The following PKNOX2 variants were observed in gnomAD, a reference collection of about 807,000 sequenced individuals.
PKNOX2 encodes the protein PBX/knotted 1 homeobox 2, also known as homeobox protein PKNOX2.
Under a neutral mutation model 53.1 loss-of-function variants are expected in PKNOX2, and 14 were observed. The ratio of observed to expected loss-of-function variants is 0.26; its 90% CI spans 0.17 to 0.41. PKNOX2 has a LOEUF of 0.41. Among genes scored for constraint, PKNOX2 ranks in the 10% least tolerant of loss-of-function variants. PKNOX2 has a pLI of 1.00. For missense variants in PKNOX2, 496 were observed against 602.8 expected (o/e 0.82, Z 1.85); for synonymous variants, 257 against 242.8 (o/e 1.06, Z -0.54).
intron 2 of PKNOX2, among the ~76,000 whole-genome samples, chr11:125,268,891 C>T (rs555111887): frequency 1.0e-4 from 15 of 149,716 alleles, no homozygotes; most frequent in African/African-American, 2.2e-4. Context: ...GTCATTCTGG[C>T]GCCAGCAGCC....
chr11:125,409,507 G>A (rs1206788539), intron 7 of PKNOX2, among the ~76,000 whole-genome samples: 2 of 152,150 alleles, frequency 1.3e-5, no homozygotes, highest in African/African-American at 4.8e-5. Flanking sequence ...TAGAAGACAG[G>A]TTATGGGAAG....
chr11:125,280,092 AT>A (rs1449132033), intron 2 of PKNOX2, among the ~76,000 whole-genome samples: 6 of 144,540 alleles, frequency 4.2e-5, no homozygotes, highest in Admixed American at 1.4e-4. Context: ...CTGATAAAGG[AT>A]TTTTTTTCCT....
At chr11:125,391,138 A>G (rs1405181060) in intron 6 of PKNOX2, among the ~76,000 whole-genome samples, 5 of 152,222 alleles carry the variant, frequency 3.3e-5, no homozygotes, top group Admixed American at 6.5e-5. Flanking sequence ...GGAGAGGGTG[A>G]AAGGAATGTG....
chr11:125,169,362 C>G (rs1220685603), intron 1 of PKNOX2, among the ~76,000 whole-genome samples: 3 of 152,126 alleles, frequency 2.0e-5, no homozygotes, highest in African/African-American at 4.8e-5. Context: ...AGGAGCTCCA[C>G]GGGCTGGGTT....
In PKNOX2 at chr11:125,192,815, G is replaced by A. The variant is rs548592061; in HGVS notation, c.-201+28039G>A. On this transcript the variant is annotated intron_variant, in intron 1 of 12. Coordinates refer to ENST00000298282, the MANE Select transcript of PKNOX2 (RefSeq NM_001382323.2). Reference sequence around the variant, plus strand: ...GGTGGCACACAGGAAATCACGGCCAGCCAGGTCGAGGGGGCTTGGTTTTGC... The same window carrying A: ...GGTGGCACACAGGAAATCACGGCCAACCAGGTCGAGGGGGCTTGGTTTTGC... Among the ~76,000 whole-genome samples the A allele has an allele frequency of 3.2e-3, 480 of 152,272 alleles. 2 individuals carry two copies. The highest frequency in any genetic ancestry group is 6.1e-3 in the Non-Finnish European group (412 of 68,040).
intron 3 of PKNOX2, among the ~76,000 whole-genome samples, chr11:125,333,352 C>G (rs1950244078): frequency 6.6e-6 from 1 of 152,162 alleles, no homozygotes; most frequent in South Asian, 2.1e-4. Context: ...CCAAACAAGC[C>G]AGTCTGAGCC....
At position 125,416,163 on chromosome 11, in the gene PKNOX2, C is replaced by T. The variant is rs529760859; in HGVS notation, c.936+4298C>T. 4.9e-4 allele frequency among the ~76,000 whole-genome samples: 74 copies of T among 151,312 alleles called. 1 individual carries two copies. Among genetic ancestry groups the T allele is most frequent in the Middle Eastern group, 6.8e-3 (2 of 292 alleles). On this transcript the variant is annotated intron_variant, in intron 10 of 12. Coordinates refer to ENST00000298282, the MANE Select transcript of PKNOX2 (RefSeq NM_001382323.2). ...CTAAAAATACAAAAAATTAGCCGGG[C>T]GTGGTGGCGGGCGCCTGTAGTCCCA...
intron 5 of PKNOX2, among the ~76,000 whole-genome samples, chr11:125,380,748 A>G (rs1216210767): frequency 3.3e-5 from 5 of 152,202 alleles, no homozygotes; most frequent in Admixed American, 2.6e-4. Flanking sequence ...TCCCTGGCTC[A>G]CACAGGGCCA....
rs190171882 is a variant in PKNOX2 at position 125,405,919 on chromosome 11, C to T, written c.589-4277C>T. ...CGGCTGTCTTCCTAGTGGAACAAAACGAACAGAATTCTTGGGCTGGATAAC... is the reference window on the plus strand; with the variant it reads ...CGGCTGTCTTCCTAGTGGAACAAAATGAACAGAATTCTTGGGCTGGATAAC... On this transcript the variant is annotated intron_variant, in intron 7 of 12. Coordinates refer to ENST00000298282, the MANE Select transcript of PKNOX2 (RefSeq NM_001382323.2). Among the ~76,000 whole-genome samples, 170 of 152,286 alleles carry T rather than the reference C, an allele frequency of 1.1e-3. 2 individuals are homozygous for T. Among genetic ancestry groups the T allele is most frequent in the African/African-American group, 3.2e-3 (131 of 41,556 alleles).
At chr11:125,171,446 C>T (rs34415533) in intron 1 of PKNOX2, among the ~76,000 whole-genome samples, 34,378 of 152,102 alleles carry the variant, frequency 0.23, 4,385 homozygotes, top group Non-Finnish European at 0.29. Flanking sequence ...AGAGCCTAGC[C>T]CTGCTCTTTA....
intron 2 of PKNOX2, among the ~76,000 whole-genome samples, chr11:125,315,583 C>T (rs75764783): frequency 0.022 from 3,357 of 152,284 alleles, 77 homozygotes; most frequent in Middle Eastern, 0.054. Flanking sequence ...CCCCAGGGTG[C>T]AGCTGGCAGA....
rs192710029 is a variant in PKNOX2, at chr11:125,352,375, G to A, written c.87+983G>A. 6.6e-4 allele frequency among the ~76,000 whole-genome samples: 100 copies of A among 152,220 alleles called. No homozygotes were observed. The highest frequency in any genetic ancestry group is 2.4e-3 in the African/African-American group (99 of 41,530). On this transcript the variant is annotated intron_variant, in intron 4 of 12. Transcript: ENST00000298282. The surrounding 1 kb of genome is among the most constrained non-coding windows in gnomAD (Gnocchi z 4.1). ...GCCCATGTGCAGCAGGTGCCCGCTG[G>A]GTGCTGTGGGCAGGCTACCATCTGC... is the stretch of plus-strand genomic sequence containing the variant.
chr11:125,260,114 G>A (rs1002955247), intron 2 of PKNOX2, among the ~76,000 whole-genome samples: 6 of 152,048 alleles, frequency 3.9e-5, no homozygotes, highest in African/African-American at 1.4e-4. Flanking sequence ...CTGGCCTCAA[G>A]TGATCCTCCC....
intron 1 of PKNOX2, among the ~76,000 whole-genome samples, chr11:125,227,675 A>T (rs370758734): frequency 3.5e-4 from 54 of 152,342 alleles, no homozygotes; most frequent in African/African-American, 1.3e-3. Flanking sequence ...TGCTGTGAAT[A>T]AAGCTGCTAT....
At chr11:125,381,931 T>A (rs2135350436) in intron 5 of PKNOX2, among the ~76,000 whole-genome samples, 1 of 152,228 alleles carries the variant, frequency 6.6e-6, no homozygotes, top group African/African-American at 2.4e-5. Flanking sequence ...CTGACCACTC[T>A]AAGAAAAGCT....
chr11:125,252,114 G>T (rs1241252481), intron 2 of PKNOX2, among the ~76,000 whole-genome samples: 1 of 152,216 alleles, frequency 6.6e-6, no homozygotes, highest in Non-Finnish European at 1.5e-5. Context: ...GGTGAAGAGG[G>T]CACTTTGTGA....
chr11:125,283,217 G>T (rs1350104261), intron 2 of PKNOX2, among the ~76,000 whole-genome samples: 1 of 152,036 alleles, frequency 6.6e-6, no homozygotes, highest in African/African-American at 2.4e-5. Flanking sequence ...GCCACATGCA[G>T]CTAATGCCTA....
intron 2 of PKNOX2, among the ~76,000 whole-genome samples, chr11:125,302,205 A>G (rs1302262850): frequency 6.6e-6 from 1 of 152,224 alleles, no homozygotes; most frequent in African/African-American, 2.4e-5. Context: ...GAGCTGCAGC[A>G]TCGCAGGCAA....
intron 2 of PKNOX2, among the ~76,000 whole-genome samples, chr11:125,247,198 C>T (rs1274148939): frequency 4.6e-5 from 7 of 152,126 alleles, no homozygotes; most frequent in Middle Eastern, 3.2e-3. Flanking sequence ...GCTTCTGTAC[C>T]CCTTTGTTCC....
Sources: gnomAD v4.1 joint callset for allele counts (sites outside exome capture counted in the v4.1 genomes callset) on GRCh38, gnomAD v4.1.1 for gene constraint, Gnocchi (gnomAD v3.1) non-coding constraint, MANE v1.5 for transcripts, NCBI Gene and HGNC (gene_info 2026-07-23, HGNC 2026-07-21) for gene names.